The following ADCY9 variants were observed in gnomAD, a reference collection of about 807,000 sequenced individuals.
ADCY9 encodes adenylate cyclase type 9.
A neutral mutation model predicts 101.5 loss-of-function variants in ADCY9; 50 were observed. That is an observed-to-expected ratio of 0.49 (90% CI 0.39 to 0.62). ADCY9 has a LOEUF of 0.62. Among genes scored for constraint, ADCY9 ranks in the 20% least tolerant of loss-of-function variants. ADCY9 has a pLI of 0.00. For missense variants in ADCY9, 1,662 were observed against 1,800.4 expected (o/e 0.92, Z 1.39); for synonymous variants, 905 against 769.3 (o/e 1.18, Z -2.92).
chr16:3,955,859 T>G (rs931568069), intron 5 of ADCY9, among the ~76,000 whole-genome samples: 9 of 138,156 alleles, frequency 6.5e-5, no homozygotes, highest in Admixed American at 1.4e-4. Context: ...AAAATTTAGG[T>G]TTTTTTAAAG....
intron 3 of ADCY9, among the ~76,000 whole-genome samples, chr16:3,999,233 C>A (rs1231025507): frequency 6.6e-6 from 1 of 152,084 alleles, no homozygotes; most frequent in African/African-American, 2.4e-5. Flanking sequence ...CGGGCAGGCA[C>A]ATTAGAGAAA....
intron 2 of ADCY9, among the ~76,000 whole-genome samples, chr16:4,013,286 G>A (rs919976285): frequency 1.3e-5 from 2 of 151,788 alleles, no homozygotes; most frequent in Non-Finnish European, 2.9e-5. Flanking sequence ...CAGGCGTGGC[G>A]GCACACGCCT....
intron 2 of ADCY9, among the ~76,000 whole-genome samples, chr16:4,080,197 T>C (rs1186390651): frequency 6.6e-6 from 1 of 152,104 alleles, no homozygotes; most frequent in Non-Finnish European, 1.5e-5. Flanking sequence ...AGAAAAAAAT[T>C]ACCACCTGTA....
At chr16:4,103,093 G>A (rs1358952711) in intron 2 of ADCY9, among the ~76,000 whole-genome samples, 1 of 152,214 alleles carries the variant, frequency 6.6e-6, no homozygotes, top group East Asian at 1.9e-4. Context: ...AGATTTTTAA[G>A]GATTTTGTAA....
At chr16:4,086,777 A>G (rs1248608156) in intron 2 of ADCY9, among the ~76,000 whole-genome samples, 1 of 152,028 alleles carries the variant, frequency 6.6e-6, no homozygotes, top group Non-Finnish European at 1.5e-5. Context: ...CTCCTGCCTC[A>G]GCCTCTCTAG....
intron 2 of ADCY9, among the ~76,000 whole-genome samples, chr16:4,041,509 A>C (rs1476773924): frequency 1.3e-5 from 1 of 74,820 alleles, no homozygotes; most frequent in African/African-American, 3.3e-5. Context: ...TTAAAACCAA[A>C]AAAAAAAAAA....
chr16:4,037,345 A>C (rs893919496), intron 2 of ADCY9, among the ~76,000 whole-genome samples: 1 of 152,136 alleles, frequency 6.6e-6, no homozygotes, highest in Non-Finnish European at 1.5e-5. Flanking sequence ...AATAATCATA[A>C]TAATAATGAC....
chr16:3,978,214 G>A (rs2056109748), intron 8 of ADCY9, among the ~76,000 whole-genome samples: 1 of 152,168 alleles, frequency 6.6e-6, no homozygotes, highest in African/African-American at 2.4e-5. Flanking sequence ...TGTCTTCGTG[G>A]AAAGGAAAGG....
intron 9 of ADCY9, among the ~76,000 whole-genome samples, chr16:3,976,753 G>C (rs963182197): frequency 3.3e-5 from 5 of 152,166 alleles, no homozygotes; most frequent in Non-Finnish European, 5.9e-5. Context: ...CGCCTCCCGG[G>C]TACAAGCGGT....
intron 2 of ADCY9, among the ~76,000 whole-genome samples, chr16:4,104,232 G>A (rs2057061922): frequency 6.6e-6 from 1 of 152,178 alleles, no homozygotes; most frequent in Non-Finnish European, 1.5e-5. Context: ...ATCAGCCACT[G>A]TGATGAACTC....
intron 2 of ADCY9, among the ~76,000 whole-genome samples, chr16:4,075,644 A>G (rs545204466): frequency 6.6e-6 from 1 of 152,184 alleles, no homozygotes. Context: ...ATGTTGCAAA[A>G]TGTGTCCTGG....
chr16:4,028,836 G>A (rs1190810290), intron 2 of ADCY9, among the ~76,000 whole-genome samples: 2 of 151,526 alleles, frequency 1.3e-5, no homozygotes, highest in Admixed American at 1.3e-4. Context: ...CCAAGCTAGA[G>A]TGCAGTGGCG....
downstream of ADCY9, among the ~76,000 whole-genome samples, chr16:3,958,078 GTCT>G: frequency 6.6e-6 from 1 of 152,136 alleles, no homozygotes; most frequent in Non-Finnish European, 1.5e-5. Flanking sequence ...TGGCAGAGAC[GTCT>G]GGGTCCCCAA....
chr16:4,077,884 T>C (rs1297516547), intron 2 of ADCY9, among the ~76,000 whole-genome samples: 1 of 140,784 alleles, frequency 7.1e-6, no homozygotes, highest in East Asian at 2.3e-4. Context: ...ACACCTGTAA[T>C]CCTAGTACTT....
At position 3,963,201 on chromosome 16, in the gene ADCY9, G is replaced by A; in HGVS notation, c.*2574C>T. The A allele has an allele frequency of 2.8e-6, 1 of 362,276 alleles. No individual in the cohort carries two copies. The highest frequency in any genetic ancestry group is 4.8e-6 in the Non-Finnish European group (1 of 207,416). 22.4% of individuals were successfully genotyped at this position (362,276 alleles called of 1,614,324 possible). ...AAGAAAATAGCAATTGCAACTCAAAGCAACTATTTACACACATTCAATGCT... is the reference window on the plus strand; with the variant it reads ...AAGAAAATAGCAATTGCAACTCAAAACAACTATTTACACACATTCAATGCT... On this transcript the variant is annotated 3_prime_UTR_variant, in exon 11 of 11. Transcript: ENST00000294016.
intron 2 of ADCY9, among the ~76,000 whole-genome samples, chr16:4,100,405 C>A (rs954411805): frequency 2.0e-5 from 3 of 152,154 alleles, no homozygotes; most frequent in Non-Finnish European, 4.4e-5. Flanking sequence ...TCTGGGCTCA[C>A]TGCAACCTCC....
chr16:4,007,663 G>A (rs1431969645), intron 2 of ADCY9, 105 bp from the exon 3 acceptor site: 2 of 971,308 alleles, frequency 2.1e-6, no homozygotes, highest in Non-Finnish European at 3.0e-6. Flanking sequence ...AAAGTTGAGA[G>A]TAAAGTGAAA....
chr16:3,993,618 G>T, intron 3 of ADCY9, 108 bp from the exon 4 acceptor site: 1 of 1,397,136 alleles, frequency 7.2e-7, no homozygotes, highest in Non-Finnish European at 9.9e-7. Context: ...ATGGTGGTGA[G>T]CAAGGGGAAG....
chr16:4,092,997 T>A (rs1319193519), intron 2 of ADCY9, among the ~76,000 whole-genome samples: 6 of 152,044 alleles, frequency 3.9e-5, no homozygotes, highest in Non-Finnish European at 1.5e-5. Flanking sequence ...AAGCAAAGAT[T>A]CCTATTTTTA....
Sources: allele counts gnomAD v4.1 joint callset (sites outside exome capture counted in the v4.1 genomes callset), GRCh38; gene constraint gnomAD v4.1.1; transcripts MANE v1.5; gene names NCBI Gene and HGNC (gene_info 2026-07-23, HGNC 2026-07-21).